C12orf42: variants seen among roughly 807,000 people sequenced by gnomAD.
C12orf42 encodes uncharacterized protein C12orf42.
In C12orf42, 25 loss-of-function variants were observed where a neutral mutation model predicts 21.6. The ratio of observed to expected loss-of-function variants is 1.16; its 90% confidence interval spans 0.84 to 1.62. The LOEUF is 1.62. Among genes scored for constraint, C12orf42 ranks in the 40% most tolerant of loss-of-function variants. The pLI is 0.00. For synonymous variants in C12orf42, 174 were observed against 175.0 expected, an observed-to-expected ratio of 0.99 and a Z score of 0.05; for missense variants, 483 against 459.3, an observed-to-expected ratio of 1.05 and a Z score of -0.47.
chr12:103,285,153 G>A (rs117669286), intron 4 of C12orf42, among the ~76,000 whole-genome samples: 139 of 152,272 alleles, frequency 9.1e-4, no homozygotes, highest in Middle Eastern at 3.4e-3. Flanking sequence ...ACCGACTTAT[G>A]ATCTACTTTG....
At chr12:103,188,660 G>A in the C12orf42 span, among the ~76,000 whole-genome samples, 3 of 152,160 alleles carry the variant, frequency 2.0e-5, no homozygotes, top group Admixed American at 2.0e-4. Context: ...TAGTTCACAT[G>A]AGAATTGATT....
upstream of C12orf42, among the ~76,000 whole-genome samples, chr12:103,497,486 G>A (rs1176715775): frequency 6.6e-6 from 1 of 152,206 alleles, no homozygotes; most frequent in African/African-American, 2.4e-5. Context: ...TGTACTGCTA[G>A]TGGCTATGGA....
chr12:103,224,027 T>C, the C12orf42 span, among the ~76,000 whole-genome samples: 1 of 152,200 alleles, frequency 6.6e-6, no homozygotes, highest in African/African-American at 2.4e-5. Context: ...TCAGACTGTA[T>C]TGAGGTGGGA....
chr12:103,418,912 C>T (rs1427355583), intron 2 of C12orf42, among the ~76,000 whole-genome samples: 1 of 151,190 alleles, frequency 6.6e-6, no homozygotes, highest in Non-Finnish European at 1.5e-5. Flanking sequence ...CACTTCTTTC[C>T]ACATGTGCTT....
chr12:103,400,469 T>G (rs1466337540), intron 3 of C12orf42, among the ~76,000 whole-genome samples: 1 of 152,230 alleles, frequency 6.6e-6, no homozygotes, highest in Non-Finnish European at 1.5e-5. Context: ...CAGTCCATTC[T>G]GGGAGTCATG....
chr12:103,218,138 A>C, the C12orf42 span, among the ~76,000 whole-genome samples: 1 of 151,988 alleles, frequency 6.6e-6, no homozygotes, highest in Admixed American at 6.6e-5. Flanking sequence ...AAATTGGCTG[A>C]GTGTGGTGGT....
chr12:103,526,261 A>AT, the C12orf42 span, among the ~76,000 whole-genome samples: 1 of 152,334 alleles, frequency 6.6e-6, no homozygotes, highest in East Asian at 1.9e-4. Context: ...CAAATAAAGC[A>AT]TTATTTGCTT....
chr12:103,118,217 G>T, the C12orf42 span, among the ~76,000 whole-genome samples: 3 of 152,178 alleles, frequency 2.0e-5, no homozygotes, highest in Non-Finnish European at 4.4e-5. Context: ...CAGGCACCAT[G>T]ACTTATTGAT....
At chr12:103,425,695 C>T (rs978690865) in intron 2 of C12orf42, among the ~76,000 whole-genome samples, 17 of 152,104 alleles carry the variant, frequency 1.1e-4, no homozygotes, top group African/African-American at 1.9e-4. Flanking sequence ...CTGTGAGCTA[C>T]GCCCACAGCC....
chr12:103,459,393 G>A (rs1173142697), intron 2 of C12orf42, among the ~76,000 whole-genome samples: 1 of 152,118 alleles, frequency 6.6e-6, no homozygotes, highest in East Asian at 1.9e-4. Flanking sequence ...CTCATGAATG[G>A]CTAAGTGCCA....
intron 2 of C12orf42, among the ~76,000 whole-genome samples, chr12:103,417,102 T>C (rs920302891): frequency 1.3e-5 from 2 of 152,210 alleles, no homozygotes; most frequent in Non-Finnish European, 2.9e-5. Flanking sequence ...CTTCAATATT[T>C]AGGAGACAGT....
chr12:103,361,957 G>C (rs912456471), intron 4 of C12orf42, among the ~76,000 whole-genome samples: 4 of 152,062 alleles, frequency 2.6e-5, no homozygotes, highest in Non-Finnish European at 4.4e-5. Flanking sequence ...ATTCTCCTGG[G>C]AGTTCTAGAG....
chr12:103,315,453 T>C (rs2039373376), intron 4 of C12orf42, among the ~76,000 whole-genome samples: 1 of 152,180 alleles, frequency 6.6e-6, no homozygotes, highest in Admixed American at 6.5e-5. Flanking sequence ...TGGGTTCATC[T>C]GTAGTTTGGA....
chr12:103,110,913 C>A, the C12orf42 span, among the ~76,000 whole-genome samples: 1 of 152,084 alleles, frequency 6.6e-6, no homozygotes, highest in Non-Finnish European at 1.5e-5. Context: ...AGTGGTGACA[C>A]CAAATGGGTA....
the C12orf42 span, among the ~76,000 whole-genome samples, chr12:103,215,274 C>T: frequency 1.2e-4 from 18 of 151,552 alleles, no homozygotes; most frequent in South Asian, 3.4e-3. Context: ...ATGATTATAC[C>T]AATACTAATG....
chr12:103,154,364 C>T, the C12orf42 span, among the ~76,000 whole-genome samples: 6 of 151,980 alleles, frequency 3.9e-5, no homozygotes, highest in East Asian at 1.2e-3. Context: ...AACTTAAAAA[C>T]GAGCAAACAA....
intron 1 of C12orf42, among the ~76,000 whole-genome samples, chr12:103,493,159 A>C (rs548183158): frequency 6.6e-6 from 1 of 152,298 alleles, no homozygotes; most frequent in East Asian, 1.9e-4. Flanking sequence ...ATATAAATTC[A>C]GTCACATAGA....
the C12orf42 span, among the ~76,000 whole-genome samples, chr12:103,560,698 T>G: frequency 6.6e-6 from 1 of 152,182 alleles, no homozygotes; most frequent in African/African-American, 2.4e-5. Flanking sequence ...ATACAGGCCC[T>G]GGAGTGTGAC....
At chr12:103,262,203 A>C (rs1470308644) in intron 10 of C12orf42, 1 of 152,204 alleles carries the variant, frequency 6.6e-6, no homozygotes, top group African/African-American at 2.4e-5. Context: ...TGTACCTTTC[A>C]ATTCAATAAT....
Sources: allele counts gnomAD v4.1 joint callset (sites outside exome capture counted in the v4.1 genomes callset), GRCh38; gene constraint gnomAD v4.1.1; transcripts MANE v1.5; gene names NCBI Gene and HGNC (gene_info 2026-07-23, HGNC 2026-07-21).